The following ACOT1 variants were observed in gnomAD, a reference collection of about 807,000 sequenced individuals.
ACOT1 encodes acyl-coenzyme A thioesterase 1.
Under a neutral mutation model 15.7 loss-of-function variants are expected in ACOT1, and 8 were observed. The observed-to-expected ratio is 0.51, with a 90% CI of 0.30 to 0.92. ACOT1 has a LOEUF of 0.92. ACOT1 is among the 40% of genes least tolerant of loss of function. The pLI is 0.06. For synonymous variants in ACOT1, 67 were observed against 241.2 expected, an observed-to-expected ratio of 0.28 and a Z score of 6.69; for missense variants, 151 against 539.4, an observed-to-expected ratio of 0.28 and a Z score of 7.13.
the ACOT1 span, among the ~76,000 whole-genome samples, chr14:73,516,923 C>T: frequency 5.3e-5 from 8 of 152,296 alleles, no homozygotes; most frequent in African/African-American, 1.2e-4. Flanking sequence ...TTATCTTCCA[C>T]GAAACCGGTC....
the ACOT1 span, chr14:73,522,684 C>T: frequency 1.5e-5 from 25 of 1,614,068 alleles, no homozygotes; most frequent in Middle Eastern, 3.3e-4. Context: ...GCTTCCCGGA[C>T]GGTGCTGGCT....
the ACOT1 span, among the ~76,000 whole-genome samples, chr14:73,502,501 C>G: frequency 6.6e-6 from 1 of 151,928 alleles, no homozygotes; most frequent in East Asian, 1.9e-4. Flanking sequence ...GTCCAGGGTC[C>G]GTACAGAGGA....
At chr14:73,506,490 G>T in the ACOT1 span, 2 of 1,613,392 alleles carry the variant, frequency 1.2e-6, no homozygotes, top group African/African-American at 2.7e-5. Context: ...CCACTGATCC[G>T]GGAGAAAGCC....
At chr14:73,512,296 T>C in the ACOT1 span, 3 of 859,882 alleles carry the variant, frequency 3.5e-6, no homozygotes, top group Non-Finnish European at 3.5e-6. Context: ...AGAGATGGGG[T>C]CTTTAGGGAG....
At chr14:73,502,783 G>C in the ACOT1 span, 1 of 757,282 alleles carries the variant, frequency 1.3e-6, no homozygotes, top group East Asian at 2.5e-5. Flanking sequence ...TCCTGACCTC[G>C]TGATCCGCCC....
upstream of ACOT1, among the ~76,000 whole-genome samples, chr14:73,532,637 G>A (rs1227968670): frequency 5.2e-5 from 6 of 115,322 alleles, 1 homozygote; most frequent in East Asian, 1.3e-3. Flanking sequence ...ATAAAAGAGC[G>A]AGAGGGTACG....
the ACOT1 span, among the ~76,000 whole-genome samples, chr14:73,495,663 T>C: frequency 6.6e-6 from 1 of 152,196 alleles, no homozygotes; most frequent in East Asian, 1.9e-4. Flanking sequence ...TGTTCTCTTA[T>C]GATATTGGTT....
the ACOT1 span, chr14:73,520,881 T>C: frequency 6.2e-7 from 1 of 1,614,042 alleles, no homozygotes; most frequent in South Asian, 1.1e-5. Context: ...AAAGGTGTTG[T>C]CTGTGGAGTA....
chr14:73,502,825 T>C, the ACOT1 span: 1 of 1,214,682 alleles, frequency 8.2e-7, no homozygotes. Context: ...GGGAGCCACC[T>C]TGCCCAGCCT....
At chr14:73,522,096 AG>A in the ACOT1 span, among the ~76,000 whole-genome samples, 1 of 152,244 alleles carries the variant, frequency 6.6e-6, no homozygotes, top group Non-Finnish European at 1.5e-5. Context: ...CCAGAATGTC[AG>A]CAGTGCAAAT....
chr14:73,504,252 T>A, the ACOT1 span, among the ~76,000 whole-genome samples: 5 of 151,468 alleles, frequency 3.3e-5, no homozygotes, highest in Admixed American at 3.3e-4. Flanking sequence ...TAATTTTTTT[T>A]TTTTTTTTGA....
At chr14:73,520,718 G>A in the ACOT1 span, 1 of 770,864 alleles carries the variant, frequency 1.3e-6, no homozygotes, top group Non-Finnish European at 2.2e-6. Context: ...GTGGGTGCTG[G>A]GTCATGAACA....
the ACOT1 span, chr14:73,492,442 C>T: frequency 6.8e-6 from 11 of 1,613,630 alleles, no homozygotes; most frequent in South Asian, 8.8e-5. This position sits in a 1 kb window ranked among gnomAD's most constrained non-coding sequence, Gnocchi z 4.9. Context: ...CGCGAAGAAC[C>T]GCTTTCATGG....
chr14:73,522,659 A>G, the ACOT1 span: 2 of 1,614,068 alleles, frequency 1.2e-6, no homozygotes, highest in Non-Finnish European at 1.7e-6. Flanking sequence ...GGGATGATGG[A>G]TGAGAGGGCG....
At chr14:73,525,938 G>A in the ACOT1 span, among the ~76,000 whole-genome samples, 4 of 133,132 alleles carry the variant, frequency 3.0e-5, no homozygotes, top group Non-Finnish European at 6.5e-5. Flanking sequence ...GGGTGACAGA[G>A]TGAGACTCCT....
chr14:73,528,664 C>A, the ACOT1 span, among the ~76,000 whole-genome samples: 1 of 152,154 alleles, frequency 6.6e-6, no homozygotes, highest in African/African-American at 2.4e-5. Context: ...AAAATTGAGT[C>A]TGATACCTGT....
At chr14:73,511,387 C>T in the ACOT1 span, among the ~76,000 whole-genome samples, 5 of 151,772 alleles carry the variant, frequency 3.3e-5, no homozygotes, top group South Asian at 2.1e-4. Flanking sequence ...TGGTGGCACA[C>T]GCCTGTATGT....
the ACOT1 span, among the ~76,000 whole-genome samples, chr14:73,503,838 G>C: frequency 3.9e-5 from 6 of 152,110 alleles, no homozygotes; most frequent in Admixed American, 6.6e-5. Flanking sequence ...CATGCTTACT[G>C]AATGAGTGAA....
intron 1 of ACOT1, chr14:73,539,880 A>G (rs1188671741): frequency 8.0e-5 from 9 of 112,608 alleles, no homozygotes; most frequent in East Asian, 7.3e-4. Flanking sequence ...CTTTCAATTC[A>G]CACAGTATGT....
Sources: gnomAD v4.1 joint callset for allele counts (sites outside exome capture counted in the v4.1 genomes callset) on GRCh38, gnomAD v4.1.1 for gene constraint, Gnocchi (gnomAD v3.1) non-coding constraint, MANE v1.5 for transcripts, NCBI Gene and HGNC (gene_info 2026-07-23, HGNC 2026-07-21) for gene names.